Variants in MDN1 observed in about 807,000 individuals in gnomAD.
MDN1 encodes the protein midasin.
Under a neutral mutation model 669.2 loss-of-function variants are expected in MDN1, and 266 were observed. The ratio of observed to expected loss-of-function variants is 0.40; its 90% CI spans 0.36 to 0.44. The LOEUF (loss-of-function observed/expected upper bound fraction) is 0.44. Among genes scored for constraint, MDN1 ranks in the 20% least tolerant of loss-of-function variants. The pLI, the probability that MDN1 is intolerant of heterozygous loss-of-function variation, is 1.00. For synonymous variants in MDN1, 2,385 were observed against 2,457.1 expected (o/e 0.97, Z 0.87); for missense variants, 5,940 against 6,754.0 (o/e 0.88, Z 4.22).
At chr6:89,801,916 C>T (rs1767692038) in intron 2 of MDN1, among the ~76,000 whole-genome samples, 1 of 150,846 alleles carries the variant, frequency 6.6e-6, no homozygotes, top group Non-Finnish European at 1.5e-5. Context: ...AAGGTGAGAT[C>T]GTGCCACTGC....
chr6:89,787,003 G>A (rs928477702), intron 8 of MDN1, among the ~76,000 whole-genome samples: 86 of 151,514 alleles, frequency 5.7e-4, no homozygotes, highest in African/African-American at 2.0e-3. Context: ...CTACTTGGGA[G>A]GCTGTGCTGG....
chr6:89,768,758 TTAAA>T (rs1486226290), intron 15 of MDN1, among the ~76,000 whole-genome samples: 1 of 151,586 alleles, frequency 6.6e-6, no homozygotes, highest in Non-Finnish European at 1.5e-5. Context: ...AGAGTTAAAA[TTAAA>T]TAAATAAATA....
intron 1 of MDN1, among the ~76,000 whole-genome samples, chr6:89,808,165 AT>A (rs1448989857): frequency 2.0e-5 from 3 of 151,172 alleles, no homozygotes; most frequent in African/African-American, 7.3e-5. Flanking sequence ...TAATTTAAAT[AT>A]CTTTATTATT....
At chr6:89,778,656 G>A (rs1818471444) in intron 11 of MDN1, among the ~76,000 whole-genome samples, 2 of 151,800 alleles carry the variant, frequency 1.3e-5, no homozygotes, top group African/African-American at 4.8e-5. Flanking sequence ...AGGCTGAGGT[G>A]GGTGGATCAC....
At chr6:89,786,237 G>A (rs2128325586) in intron 8 of MDN1, among the ~76,000 whole-genome samples, 1 of 152,060 alleles carries the variant, frequency 6.6e-6, no homozygotes, top group Admixed American at 6.6e-5. Flanking sequence ...CAGCTTGGAT[G>A]ACAGAGTGAG....
intron 85 of MDN1, among the ~76,000 whole-genome samples, chr6:89,663,388 T>C (rs1463427628): frequency 6.6e-6 from 1 of 152,192 alleles, no homozygotes; most frequent in East Asian, 1.9e-4. Context: ...CAGAATTGTC[T>C]TCATTTGTCT....
rs755249381 is a variant in MDN1, at chr6:89,698,874, G to T, written c.9159C>A (p.Ser3053=). The T allele has an allele frequency of 3.1e-6, 5 of 1,613,618 alleles. No homozygotes were observed. The South Asian group carries it at 5.5e-5, about 18-fold the overall frequency. Residue 3053 remains serine, a synonymous_variant, in exon 59 of 102, where the codon TCC becomes TCA. Transcript: ENST00000369393. ...QREAPKSVLD[S]TLKGPGNLNR... The stretch of plus-strand genomic sequence containing the variant: ...TTTTAGACCAACAAACCTTCAATGT[G>T]GAGTCCAAAACAGACTTGGGTGCCT...
intron 63 of MDN1, among the ~76,000 whole-genome samples, chr6:89,691,303 T>G (rs1044324990): frequency 1.2e-4 from 18 of 152,208 alleles, no homozygotes; most frequent in Non-Finnish European, 2.2e-4. Context: ...ACCAGACACT[T>G]CTGAAATTCC....
intron 33 of MDN1, 52 bp from the exon 34 acceptor site, chr6:89,732,827 C>A (rs1815692039): frequency 1.3e-6 from 2 of 1,554,824 alleles, no homozygotes; most frequent in Non-Finnish European, 1.8e-6. Flanking sequence ...GATCCCAGAA[C>A]AAAAGTTCAT....
rs11407844 is a variant in MDN1, at chr6:89,750,970, AT to A, written c.3228-439del. Among the ~76,000 whole-genome samples, 12 of 149,822 alleles carry A rather than the reference AT, an allele frequency of 8.0e-5. No homozygotes were observed. In the South Asian group the frequency reaches 1.9e-3, roughly 24 times the overall value. ...CATTTAACAGCATCATTAAAAGAGC[AT>A]TTTTTTTTCCTTTTTTTTCCCCTTT... On this transcript the variant is annotated intron_variant, in intron 23 of 101. Transcript: ENST00000369393.
Position 89,695,814 on chromosome 6 carries a change from C to A in MDN1, c.9562G>T (p.Val3188Leu). ...TGGCAGAGCAGTTCCTTGGGCAGCACCTCCTGACCAGCCATGTCCCCAAGT... is the reference window on the plus strand; with the variant it reads ...TGGCAGAGCAGTTCCTTGGGCAGCAACTCCTGACCAGCCATGTCCCCAAGT... Reference protein sequence around the residue: ...QTLGDMAGQEVLPKELLCQLL... With the variant: ...QTLGDMAGQELLPKELLCQLL... The change falls in exon 61 of 102, where the codon GTG becomes TTG. Residue 3188 changes from valine to leucine, a missense_variant. Around this residue, in one of 5 missense-constraint regions of MDN1, gnomAD observed 2,292 missense variants for 2,638.3 expected, o/e 0.87. Transcript: ENST00000369393. The surrounding 1 kb of genome is among the most constrained non-coding windows in gnomAD (Gnocchi z 4.1). 1 of 1,613,720 alleles carries A rather than the reference C, an allele frequency of 6.2e-7. No individual in the cohort carries two copies. Among genetic ancestry groups the A allele is most frequent in the East Asian group, 2.2e-5 (1 of 44,864 alleles).
chr6:89,799,869 C>G (rs571123979), intron 2 of MDN1, among the ~76,000 whole-genome samples: 22 of 152,020 alleles, frequency 1.4e-4, no homozygotes, highest in African/African-American at 5.3e-4. Context: ...TTGTAATTTC[C>G]GATGCAGTAA....
intron 99 of MDN1, 80 bp from the exon 100 acceptor site, chr6:89,646,683 G>A: frequency 1.6e-6 from 2 of 1,242,622 alleles, no homozygotes; most frequent in East Asian, 2.4e-5. Flanking sequence ...TAGTATTTCT[G>A]ACATTGAAGT....
chr6:89,765,748 G>A (rs997290397), intron 15 of MDN1, among the ~76,000 whole-genome samples: 3 of 152,156 alleles, frequency 2.0e-5, no homozygotes, highest in African/African-American at 7.2e-5. Context: ...TTGAATAAGT[G>A]ACTTATCTCT....
intron 23 of MDN1, 145 bp from the exon 24 acceptor site, chr6:89,750,677 A>T: frequency 1.3e-6 from 1 of 782,376 alleles, no homozygotes; most frequent in South Asian, 1.8e-5. Context: ...ATCATAGCTC[A>T]CTGCAGCCTC....
chr6:89,742,670 C>T (rs1816354891), intron 31 of MDN1, among the ~76,000 whole-genome samples: 1 of 152,136 alleles, frequency 6.6e-6, no homozygotes, highest in African/African-American at 2.4e-5. Flanking sequence ...GTTACTACAT[C>T]AAGATTCATA....
chr6:89,708,496 T>G lies in MDN1; in HGVS notation c.7898A>C (p.Lys2633Thr). The change falls in exon 51 of 102, where the codon AAG (lysine) becomes ACG (threonine). Residue 2633 changes from lysine (K) to threonine (T), a missense_variant and splice_region_variant. Physicochemically the swap from Lys to Thr is moderately conservative, Grantham distance 78 (BLOSUM62 -1). Transcript: ENST00000369393. ...LFALLESAAN[K>T]TIIYLDREKR... ...GCCCAGAGCAGCAGGTTTCACTTAC[T>G]TGTTTGCAGCTGATTCTAAAAGGGC... The G allele has an allele frequency of 1.2e-6, 2 of 1,613,948 alleles. No homozygotes were observed. The highest frequency in any genetic ancestry group is 1.7e-6 in the Non-Finnish European group (2 of 1,179,938).
At chr6:89,776,245 T>C (rs886423007) in intron 12 of MDN1, among the ~76,000 whole-genome samples, 1 of 152,026 alleles carries the variant, frequency 6.6e-6, no homozygotes. Flanking sequence ...GTGGGTCACC[T>C]GAGGTCAGGA....
chr6:89,809,949 C>T (rs1241798469), intron 1 of MDN1, among the ~76,000 whole-genome samples: 1 of 122,428 alleles, frequency 8.2e-6, no homozygotes, highest in Non-Finnish European at 1.6e-5. Context: ...CATGATTGTA[C>T]CACTATACCC....
Sources: gnomAD v4.1 joint callset for allele counts (sites outside exome capture counted in the v4.1 genomes callset) on GRCh38, gnomAD v4.1.1 for gene constraint, gnomAD v4.1.1 regional missense constraint, Gnocchi (gnomAD v3.1) non-coding constraint, MANE v1.5 for transcripts, NCBI Gene and HGNC (gene_info 2026-07-23, HGNC 2026-07-21) for gene names.